The following SYT14 variants were observed in gnomAD, a reference collection of about 807,000 sequenced individuals.
SYT14 encodes the protein synaptotagmin 14.
A neutral mutation model predicts 74.2 loss-of-function variants in SYT14; 32 were observed. The ratio of observed to expected loss-of-function variants is 0.43; its 90% confidence interval spans 0.33 to 0.58. The LOEUF (loss-of-function observed/expected upper bound fraction) is 0.58, where lower values mean the gene tolerates loss of function less well. Among genes scored for constraint, SYT14 ranks in the 20% least tolerant of loss-of-function variants. The probability of loss-of-function intolerance (pLI) is 0.05; values close to 1 mark genes in which losing one functional copy is unlikely to be tolerated. For missense variants in SYT14, 791 were observed against 981.8 expected, an observed-to-expected ratio of 0.81 and a Z score of 2.60; for synonymous variants, 298 against 337.7, an observed-to-expected ratio of 0.88 and a Z score of 1.29.
At chr1:210,114,853 C>T (rs895568509) in intron 7 of SYT14, among the ~76,000 whole-genome samples, 1 of 151,002 alleles carries the variant, frequency 6.6e-6, no homozygotes, top group Non-Finnish European at 1.5e-5. Context: ...GAATTGGGAC[C>T]TGGCTCGGCC....
chr1:210,140,363 G>A (rs1415013805), intron 7 of SYT14, among the ~76,000 whole-genome samples: 1 of 151,918 alleles, frequency 6.6e-6, no homozygotes, highest in Non-Finnish European at 1.5e-5. Context: ...CTTTGCCTTT[G>A]TCTCTTTATT....
intron 6 of SYT14, among the ~76,000 whole-genome samples, chr1:210,095,004 C>A (rs1346685374): frequency 1.3e-5 from 2 of 152,020 alleles, no homozygotes; most frequent in East Asian, 1.9e-4. Context: ...ATTTTCATAT[C>A]ATAGAAAATG....
intron 2 of SYT14, among the ~76,000 whole-genome samples, chr1:209,966,282 TTTTA>T (rs1344381021): frequency 1.3e-5 from 2 of 152,186 alleles, no homozygotes; most frequent in African/African-American, 2.4e-5. Flanking sequence ...AGTCTATAAA[TTTTA>T]TTTGTTTTCA....
intron 7 of SYT14, among the ~76,000 whole-genome samples, chr1:210,154,934 T>G (rs1025959614): frequency 6.6e-6 from 1 of 152,232 alleles, no homozygotes; most frequent in African/African-American, 2.4e-5. Flanking sequence ...TTCTACATCC[T>G]TATGGTACTT....
chr1:209,997,562 A>G (rs190429492), intron 2 of SYT14, among the ~76,000 whole-genome samples: 11 of 152,246 alleles, frequency 7.2e-5, no homozygotes, highest in Admixed American at 1.3e-4. Context: ...TACAGGTTCA[A>G]TGCTATCACT....
intron 7 of SYT14, among the ~76,000 whole-genome samples, chr1:210,137,009 A>G (rs1347726948): frequency 6.6e-6 from 1 of 152,202 alleles, no homozygotes; most frequent in Non-Finnish European, 1.5e-5. Context: ...AGAAGATGGT[A>G]CAGTCAGATG....
chr1:210,152,711 C>CCAAT (rs1422367078), intron 7 of SYT14, among the ~76,000 whole-genome samples: 2 of 152,142 alleles, frequency 1.3e-5, no homozygotes, highest in East Asian at 1.9e-4. Flanking sequence ...CCTGCCCTTC[C>CCAAT]CAATCACTGT....
chr1:210,132,475 A>G (rs1008055716), intron 7 of SYT14, among the ~76,000 whole-genome samples: 1 of 151,878 alleles, frequency 6.6e-6, no homozygotes, highest in Non-Finnish European at 1.5e-5. Flanking sequence ...GGTTTATTGT[A>G]CAGATTATTT....
intron 1 of SYT14, among the ~76,000 whole-genome samples, chr1:209,940,471 C>T (rs1046408392): frequency 2.0e-5 from 3 of 151,432 alleles, no homozygotes; most frequent in African/African-American, 7.3e-5. Context: ...AGTTCATGTT[C>T]TATTCGGAGA....
At chr1:209,992,878 GA>G (rs1426935529) in intron 2 of SYT14, among the ~76,000 whole-genome samples, 1 of 152,152 alleles carries the variant, frequency 6.6e-6, no homozygotes, top group African/African-American at 2.4e-5. Context: ...AGCTGAGCAT[GA>G]AGGTGGGGAA....
intron 8 of SYT14, among the ~76,000 whole-genome samples, chr1:210,157,776 T>G (rs527844055): frequency 7.9e-4 from 120 of 151,592 alleles, no homozygotes; most frequent in East Asian, 6.2e-3. Context: ...TAATATTTAT[T>G]AATTAAAATT....
intron 1 of SYT14, among the ~76,000 whole-genome samples, chr1:209,939,456 T>C (rs1039681947): frequency 4.6e-5 from 7 of 152,262 alleles, no homozygotes; most frequent in African/African-American, 7.2e-5. Context: ...TGTGTTTACA[T>C]GTAGCTTATT....
chr1:210,122,328 T>C (rs988650695), intron 7 of SYT14, among the ~76,000 whole-genome samples: 7 of 152,224 alleles, frequency 4.6e-5, no homozygotes, highest in Non-Finnish European at 7.3e-5. Context: ...TTCTTACTTA[T>C]GCCACATGTT....
At chr1:210,171,226 G>A (rs1329923445) in exon 10 of SYT14, 1 of 152,140 alleles carries the variant, frequency 6.6e-6, no homozygotes, top group Non-Finnish European at 1.5e-5. Context: ...TATAACAACA[G>A]ACTTAACAAG....
intron 2 of SYT14, among the ~76,000 whole-genome samples, chr1:209,961,241 T>G (rs1019695563): frequency 6.6e-6 from 1 of 152,142 alleles, no homozygotes; most frequent in African/African-American, 2.4e-5. Flanking sequence ...AGGTGACAAT[T>G]TTTCATGTAG....
At chr1:210,098,313 C>T (rs564352473) in intron 6 of SYT14, among the ~76,000 whole-genome samples, 1 of 152,096 alleles carries the variant, frequency 6.6e-6, no homozygotes. Flanking sequence ...AACAAAAAGA[C>T]CCCTAGCCCC....
intron 2 of SYT14, among the ~76,000 whole-genome samples, chr1:209,993,952 C>T (rs1462327111): frequency 6.6e-6 from 1 of 152,152 alleles, no homozygotes; most frequent in Non-Finnish European, 1.5e-5. Context: ...AAGTGTTTAC[C>T]TAAAGATGTT....
chr1:209,982,869 G>C (rs1229479708), intron 2 of SYT14, among the ~76,000 whole-genome samples: 1 of 152,206 alleles, frequency 6.6e-6, no homozygotes, highest in African/African-American at 2.4e-5. Flanking sequence ...GGAGTTGTCA[G>C]TGTTCTGGAT....
chr1:210,059,091 A>G (rs555878089), intron 5 of SYT14, among the ~76,000 whole-genome samples: 22 of 152,224 alleles, frequency 1.4e-4, no homozygotes, highest in Admixed American at 5.2e-4. Context: ...AAACTTAGAT[A>G]TAGAGAGGAA....
Sources: gnomAD v4.1 joint callset for allele counts (sites outside exome capture counted in the v4.1 genomes callset) on GRCh38, gnomAD v4.1.1 for gene constraint, MANE v1.5 for transcripts, NCBI Gene and HGNC (gene_info 2026-07-23, HGNC 2026-07-21) for gene names.